Variants in TFEC observed in about 807,000 individuals in gnomAD.
The protein encoded by TFEC is class E basic helix-loop-helix protein 34.
A neutral mutation model predicts 41.6 loss-of-function variants in TFEC; 31 were observed. The observed-to-expected ratio is 0.74, with a 90% CI of 0.56 to 1.01. The LOEUF (loss-of-function observed/expected upper bound fraction) is 1.01, where lower values mean the gene tolerates loss of function less well. TFEC is among the 50% of genes least tolerant of loss of function. TFEC has a pLI of 0.00. For missense variants in TFEC, 402 were observed against 404.1 expected (o/e 0.99, Z 0.04); for synonymous variants, 143 against 140.6 (o/e 1.02, Z -0.12).
chr7:115,952,366 T>C (rs1017882279), intron 5 of TFEC, among the ~76,000 whole-genome samples: 4 of 151,934 alleles, frequency 2.6e-5, no homozygotes, highest in African/African-American at 9.7e-5. Context: ...TATACTTATA[T>C]AGAAATGTAT....
chr7:116,126,607 G>T (rs2116263967), intron 1 of TFEC, among the ~76,000 whole-genome samples: 1 of 152,180 alleles, frequency 6.6e-6, no homozygotes, highest in East Asian at 1.9e-4. Context: ...AAATCTGAGA[G>T]AAAATGACTT....
intron 5 of TFEC, 148 bp downstream of exon 5, chr7:115,954,438 A>C: frequency 7.7e-6 from 4 of 521,936 alleles, no homozygotes; most frequent in Middle Eastern, 5.3e-4. Context: ...CACATTGTTA[A>C]TATTTCCCAA....
At chr7:116,030,842 G>A (rs545442806), upstream of TFEC, 4 of 984,972 alleles carry the variant, frequency 4.1e-6, no homozygotes, top group African/African-American at 1.7e-5. Flanking sequence ...CTGAACCCTG[G>A]TTGGAATTTC....
intron 1 of TFEC, among the ~76,000 whole-genome samples, chr7:116,154,376 A>G (rs1798825991): frequency 6.6e-6 from 1 of 152,122 alleles, no homozygotes. Flanking sequence ...TATATCACTG[A>G]GCTCCTATTC....
At chr7:116,017,374 C>G (rs528032105) in intron 1 of TFEC, among the ~76,000 whole-genome samples, 9 of 152,042 alleles carry the variant, frequency 5.9e-5, no homozygotes, top group Non-Finnish European at 1.2e-4. Context: ...GGCACACACA[C>G]CACCGCAGCT....
intron 3 of TFEC, chr7:116,110,688 A>G (rs1353536900): frequency 3.0e-6 from 4 of 1,339,272 alleles, no homozygotes; most frequent in South Asian, 4.0e-5. Flanking sequence ...TTACGGCTGT[A>G]TATGTATACA....
Position 116,147,034 on chromosome 7 carries a change from T to C in TFEC, c.-69+12756A>G, listed in dbSNP as rs186882061. Among the ~76,000 whole-genome samples, 25 of 152,270 alleles carry C rather than the reference T, an allele frequency of 1.6e-4. No homozygotes were observed. In the East Asian group the frequency reaches 4.4e-3, roughly 27 times the overall value. Reference sequence around the variant, plus strand: ...AGACAAATTTGTGAACTGCGAGACATATCTGGATAAGTTACTCAAAATGAA... The same window carrying C: ...AGACAAATTTGTGAACTGCGAGACACATCTGGATAAGTTACTCAAAATGAA... On this transcript the variant is annotated intron_variant, in intron 1 of 8. Transcript: ENST00000484212.
At chr7:116,051,765 T>C (rs1796318099) in intron 3 of TFEC, among the ~76,000 whole-genome samples, 1 of 152,164 alleles carries the variant, frequency 6.6e-6, no homozygotes, top group South Asian at 2.1e-4. Flanking sequence ...TGAATATTTA[T>C]ATCAGACACT....
chr7:116,063,574 A>G (rs1362771286), intron 3 of TFEC, among the ~76,000 whole-genome samples: 1 of 152,202 alleles, frequency 6.6e-6, no homozygotes, highest in African/African-American at 2.4e-5. Context: ...AGCCAAGATC[A>G]CACCAATGCA....
At chr7:116,056,839 A>T (rs1796441935) in intron 3 of TFEC, among the ~76,000 whole-genome samples, 1 of 152,166 alleles carries the variant, frequency 6.6e-6, no homozygotes, top group Non-Finnish European at 1.5e-5. Context: ...AATATAACCC[A>T]TAATAAAGAG....
chr7:116,007,211 A>T (rs1794832821), intron 1 of TFEC, among the ~76,000 whole-genome samples: 1 of 152,094 alleles, frequency 6.6e-6, no homozygotes, highest in African/African-American at 2.4e-5. Context: ...GATCCATGGG[A>T]AAGCAACCTA....
At chr7:115,977,899 T>G (rs1476206741) in intron 2 of TFEC, among the ~76,000 whole-genome samples, 3 of 74,666 alleles carry the variant, frequency 4.0e-5, no homozygotes, top group Non-Finnish European at 8.1e-5. Flanking sequence ...AGGATATAGA[T>G]GTAGAAAAAA....
chr7:116,124,269 G>T (rs1798167356), intron 1 of TFEC, among the ~76,000 whole-genome samples: 1 of 152,182 alleles, frequency 6.6e-6, no homozygotes, highest in East Asian at 1.9e-4. Flanking sequence ...CAGACAAAGA[G>T]AGGGAAAAAC....
At chr7:116,106,119 G>A (rs766967986) in intron 3 of TFEC, among the ~76,000 whole-genome samples, 1 of 151,972 alleles carries the variant, frequency 6.6e-6, no homozygotes, top group East Asian at 1.9e-4. Flanking sequence ...GACATATGAC[G>A]TTGCTTAGAA....
chr7:116,115,461 A>G (rs888410671), intron 1 of TFEC, among the ~76,000 whole-genome samples: 1 of 151,884 alleles, frequency 6.6e-6, no homozygotes, highest in Admixed American at 6.6e-5. Context: ...GAAGCTGCCT[A>G]TATTCTTTGG....
At chr7:116,136,122 T>C (rs1798428394) in intron 1 of TFEC, among the ~76,000 whole-genome samples, 2 of 152,046 alleles carry the variant, frequency 1.3e-5, no homozygotes, top group African/African-American at 4.8e-5. Flanking sequence ...TCTTGATTAT[T>C]GTACTCAGTG....
chr7:116,156,603 A>AT (rs1371482875), intron 1 of TFEC, among the ~76,000 whole-genome samples: 3 of 151,970 alleles, frequency 2.0e-5, no homozygotes, highest in African/African-American at 7.2e-5. Context: ...TAAGCTATCT[A>AT]TTTTTTTGTG....
chr7:116,002,093 C>A (rs2130778705), intron 1 of TFEC, among the ~76,000 whole-genome samples: 1 of 152,266 alleles, frequency 6.6e-6, no homozygotes, highest in East Asian at 1.9e-4. Flanking sequence ...TAAGTTAGTA[C>A]AACCACTATG....
intron 3 of TFEC, among the ~76,000 whole-genome samples, chr7:116,088,446 T>C (rs1379787707): frequency 6.6e-6 from 1 of 152,158 alleles, no homozygotes; most frequent in Non-Finnish European, 1.5e-5. Flanking sequence ...TGAGACAGGA[T>C]GGTGACCATC....
Sources: gnomAD v4.1 joint callset for allele counts (sites outside exome capture counted in the v4.1 genomes callset) on GRCh38, gnomAD v4.1.1 for gene constraint, MANE v1.5 for transcripts, NCBI Gene and HGNC (gene_info 2026-07-23, HGNC 2026-07-21) for gene names.